The following NFIB variants were observed in gnomAD, a reference collection of about 807,000 sequenced individuals.
NFIB encodes nuclear factor 1 B-type.
A neutral mutation model predicts 61.5 loss-of-function variants in NFIB; 11 were observed. The observed-to-expected ratio is 0.18, with a 90% CI of 0.11 to 0.30. The LOEUF (loss-of-function observed/expected upper bound fraction) is 0.30. NFIB is among the 10% of genes least tolerant of loss of function. The pLI is 1.00. For synonymous variants in NFIB, 260 were observed against 216.5 expected, an observed-to-expected ratio of 1.20 and a Z score of -1.76; for missense variants, 471 against 608.9, an observed-to-expected ratio of 0.77 and a Z score of 2.38.
At chr9:14,146,885 G>T (rs781229510) in intron 5 of NFIB, 78 bp from the exon 6 acceptor site, 62 of 1,557,586 alleles carry the variant, frequency 4.0e-5, no homozygotes, top group Non-Finnish European at 5.2e-5. Flanking sequence ...GATCTGAGAA[G>T]ATCCTTACTG....
chr9:14,294,885 C>G (rs1184113723), intron 2 of NFIB, among the ~76,000 whole-genome samples: 1 of 152,166 alleles, frequency 6.6e-6, no homozygotes, highest in East Asian at 1.9e-4. Context: ...TTCCAAACCT[C>G]CTGTGCAAAG....
In NFIB at chr9:14,313,961, G is replaced by A; in HGVS notation, c.-450C>T. 9.5e-7 allele frequency: 1 copy of A among 1,058,080 alleles called. No homozygotes were observed. The highest frequency in any genetic ancestry group is 1.1e-6 in the Non-Finnish European group (1 of 876,920). The allele number at this position is 1,058,080 out of a possible 1,614,324, so 65.5% of individuals were successfully genotyped here. A position where few individuals can be genotyped will look rare whatever the true frequency, so the allele number is the denominator to read the frequency against. ...CAAAAAAGGCGGGGAGGGGGGCGCG[G>A]GAGGGCGCAGGAGGGCGAGCGGGCG... is the stretch of plus-strand genomic sequence containing the variant. On this transcript the variant is annotated 5_prime_UTR_variant, in exon 1 of 11. Coordinates refer to ENST00000380953, the MANE Select transcript of NFIB (RefSeq NM_001190737.2). This position sits in a 1 kb window ranked among gnomAD's most constrained non-coding sequence, Gnocchi z 4.5.
rs1292141670 is a variant in NFIB at position 14,177,882 on chromosome 9, C to T, written c.616+1845G>A. On this transcript the variant is annotated intron_variant, in intron 3 of 10. Transcript: ENST00000380953. Reference sequence around the variant, plus strand: ...CAGCAAAAATGAAATTTTAACCAAGCTTCTTGACAAATATTGAAAAATTGA... The same window carrying T: ...CAGCAAAAATGAAATTTTAACCAAGTTTCTTGACAAATATTGAAAAATTGA... Among the ~76,000 whole-genome samples, 14 of 152,082 alleles carry T rather than the reference C, an allele frequency of 9.2e-5. 1 individual carries two copies. The highest frequency in any genetic ancestry group is 9.2e-4 in the Admixed American group (14 of 15,274).
intron 10 of NFIB, among the ~76,000 whole-genome samples, chr9:14,101,961 A>G (rs2035849469): frequency 6.6e-6 from 1 of 151,900 alleles, no homozygotes; most frequent in African/African-American, 2.4e-5. Flanking sequence ...ATTTTTTGCT[A>G]TTTTTTTTCC....
At chr9:14,289,434 T>A (rs144802015) in intron 2 of NFIB, among the ~76,000 whole-genome samples, 1 of 151,824 alleles carries the variant, frequency 6.6e-6, no homozygotes, top group East Asian at 1.9e-4. Context: ...GATGGGGCAG[T>A]ATAGACGAAC....
chr9:14,267,835 G>T (rs7861136), intron 2 of NFIB, among the ~76,000 whole-genome samples: 4 of 152,092 alleles, frequency 2.6e-5, no homozygotes, highest in East Asian at 3.9e-4. Context: ...GCCTGTTTTA[G>T]GTTCTAAATA....
At chr9:14,514,230 T>C in the NFIB span, among the ~76,000 whole-genome samples, 2 of 152,142 alleles carry the variant, frequency 1.3e-5, no homozygotes, top group Non-Finnish European at 2.9e-5. Flanking sequence ...TGTTGATCTG[T>C]TCTCCAACCC....
intron 1 of NFIB, among the ~76,000 whole-genome samples, chr9:14,308,492 A>T (rs1373896971): frequency 6.6e-6 from 1 of 151,740 alleles, no homozygotes; most frequent in African/African-American, 2.4e-5. Flanking sequence ...CACCGATCAC[A>T]TGAGTATAGC....
intron 2 of NFIB, among the ~76,000 whole-genome samples, chr9:14,233,244 A>T (rs564547947): frequency 2.4e-4 from 37 of 152,304 alleles, no homozygotes; most frequent in African/African-American, 8.9e-4. Flanking sequence ...TTCCAAATGT[A>T]AGTAATAGTT....
chr9:14,208,638 C>T (rs962926023), intron 2 of NFIB, among the ~76,000 whole-genome samples: 3 of 151,288 alleles, frequency 2.0e-5, no homozygotes, highest in Non-Finnish European at 1.5e-5. Context: ...ATTCCAATGA[C>T]CATAATATGA....
At chr9:14,437,552 C>T in the NFIB span, among the ~76,000 whole-genome samples, 18 of 152,352 alleles carry the variant, frequency 1.2e-4, no homozygotes, top group East Asian at 5.8e-4. Flanking sequence ...CATTGTTCCA[C>T]GTGAGAGAGC....
At chr9:14,162,376 C>T (rs547132102) in intron 3 of NFIB, among the ~76,000 whole-genome samples, 25 of 151,918 alleles carry the variant, frequency 1.6e-4, no homozygotes, top group African/African-American at 5.8e-4. Context: ...AGAGATTCTC[C>T]GGTTTTTTTC....
At chr9:14,463,314 G>T in the NFIB span, among the ~76,000 whole-genome samples, 1 of 151,902 alleles carries the variant, frequency 6.6e-6, no homozygotes, top group East Asian at 1.9e-4. Flanking sequence ...TATAAAAGAA[G>T]AGTTGGATAA....
the NFIB span, among the ~76,000 whole-genome samples, chr9:14,443,017 C>A: frequency 6.7e-6 from 1 of 149,218 alleles, no homozygotes; most frequent in Admixed American, 6.7e-5. Flanking sequence ...ATCTTTAAAT[C>A]TAACCCAACC....
At chr9:14,206,336 T>G (rs912601075) in intron 2 of NFIB, among the ~76,000 whole-genome samples, 12 of 151,820 alleles carry the variant, frequency 7.9e-5, no homozygotes, top group Non-Finnish European at 1.5e-4. Context: ...CTGGCTAATT[T>G]TTTTGTATTT....
rs1325294406 is a variant in NFIB, at chr9:14,175,164, TTTC to T, written c.616+4560_616+4562del. On this transcript the variant is annotated intron_variant, in intron 3 of 10. Coordinates refer to ENST00000380953, the MANE Select transcript of NFIB (RefSeq NM_001190737.2). ...CTCAAAATTTTTATGACTTAAAGAA[TTTC>T]TTTTTTTTTTTTTTTTTTTTGAGAT... is the stretch of plus-strand genomic sequence containing the variant. Among the ~76,000 whole-genome samples the T allele has an allele frequency of 7.7e-3, 219 of 28,358 alleles. 8 individuals carry two copies. The highest frequency in any genetic ancestry group is 0.033 in the Non-Finnish European group (192 of 5,754). The allele number at this position is 28,358 out of a possible 152,430, so 18.6% of individuals were successfully genotyped here.
chr9:14,188,947 G>C (rs7018901), intron 2 of NFIB, among the ~76,000 whole-genome samples: 1 of 152,078 alleles, frequency 6.6e-6, no homozygotes, highest in African/African-American at 2.4e-5. Context: ...AAGGCAAATC[G>C]AAAAATCAAT....
chr9:14,222,084 C>T (rs1230385464), intron 2 of NFIB, among the ~76,000 whole-genome samples: 1 of 152,188 alleles, frequency 6.6e-6, no homozygotes, highest in African/African-American at 2.4e-5. Context: ...TCCCCATTTC[C>T]AATGCACTGG....
intron 2 of NFIB, among the ~76,000 whole-genome samples, chr9:14,295,211 C>G (rs1007557158): frequency 6.6e-6 from 1 of 151,826 alleles, no homozygotes; most frequent in East Asian, 1.9e-4. Context: ...GCAATAAAAT[C>G]AAAACAATTC....
Sources: gnomAD v4.1 joint callset for allele counts (sites outside exome capture counted in the v4.1 genomes callset) on GRCh38, gnomAD v4.1.1 for gene constraint, Gnocchi (gnomAD v3.1) non-coding constraint, MANE v1.5 for transcripts, NCBI Gene and HGNC (gene_info 2026-07-23, HGNC 2026-07-21) for gene names.